Variants in WDPCP observed in about 807,000 individuals in gnomAD.
The protein encoded by WDPCP is WD repeat-containing and planar cell polarity effector protein fritz homolog.
In WDPCP, 71 loss-of-function variants were observed where a neutral mutation model predicts 93.1. The observed-to-expected ratio is 0.76, with a 90% CI of 0.63 to 0.93. The LOEUF (loss-of-function observed/expected upper bound fraction) is 0.93. Ranked by LOEUF, WDPCP falls within the 40% of genes least tolerant of loss-of-function variation. WDPCP has a pLI of 0.00. For missense variants in WDPCP, 844 were observed against 887.4 expected (o/e 0.95, Z 0.62); for synonymous variants, 315 against 315.0 (o/e 1.00, Z 0.00).
intron 12 of WDPCP, among the ~76,000 whole-genome samples, chr2:63,323,814 C>T (rs527511933): frequency 6.6e-6 from 1 of 152,244 alleles, no homozygotes; most frequent in South Asian, 2.1e-4. Context: ...CTTTCTCAGT[C>T]CCCCTTGTGG....
At chr2:63,354,821 C>A (rs1486820897) in intron 12 of WDPCP, among the ~76,000 whole-genome samples, 1 of 151,942 alleles carries the variant, frequency 6.6e-6, no homozygotes, top group African/African-American at 2.4e-5. Flanking sequence ...ATATTAACAG[C>A]AGAATAAAAC....
chr2:63,654,761 G>C (rs927886513), intron 2 of WDPCP, among the ~76,000 whole-genome samples: 1 of 152,080 alleles, frequency 6.6e-6, no homozygotes, highest in Admixed American at 6.5e-5. Flanking sequence ...CTGGATTACC[G>C]ATAATACCTA....
At chr2:63,755,981 G>A (rs1452915821) in intron 2 of WDPCP, among the ~76,000 whole-genome samples, 6 of 152,208 alleles carry the variant, frequency 3.9e-5, no homozygotes, top group African/African-American at 1.4e-4. Context: ...TAAAATCTCA[G>A]ATAGAAGATT....
chr2:63,266,771 A>G (rs977068549), intron 13 of WDPCP, among the ~76,000 whole-genome samples: 1 of 152,154 alleles, frequency 6.6e-6, no homozygotes, highest in African/African-American at 2.4e-5. Flanking sequence ...ACTCCACTGC[A>G]CTCTAGCCTG....
In WDPCP at chr2:63,320,187, A is replaced by G. The variant is rs1686977420; in HGVS notation, c.1749-6876T>C. 2.0e-5 allele frequency among the ~76,000 whole-genome samples: 3 copies of G among 152,286 alleles called. No homozygotes were observed. The South Asian group carries it at 6.2e-4, about 32-fold the overall frequency. ...GAAGGCAGTGGAATAACATGTTTGAAGTACTGGAAGGAAGAAACACACAAA... is the reference window on the plus strand; with the variant it reads ...GAAGGCAGTGGAATAACATGTTTGAGGTACTGGAAGGAAGAAACACACAAA... On this transcript the variant is annotated intron_variant, in intron 12 of 17. Coordinates refer to ENST00000272321, the MANE Select transcript of WDPCP (RefSeq NM_015910.7).
intron 12 of WDPCP, among the ~76,000 whole-genome samples, chr2:63,366,684 A>G (rs6546001): frequency 0.8 from 121,459 of 151,726 alleles, 49,481 homozygotes; most frequent in East Asian, 0.97. Context: ...TCAAACTTTC[A>G]TGTTGTTATA....
At chr2:63,220,069 T>C (rs562149808) in intron 14 of WDPCP, among the ~76,000 whole-genome samples, 80 of 152,252 alleles carry the variant, frequency 5.3e-4, no homozygotes, top group African/African-American at 1.7e-3. Flanking sequence ...TTTGGCGACA[T>C]TGACTGCACC....
chr2:63,729,105 C>T (rs1179656257), intron 2 of WDPCP, among the ~76,000 whole-genome samples: 1 of 152,060 alleles, frequency 6.6e-6, no homozygotes, highest in East Asian at 1.9e-4. Context: ...ATCACAGTGC[C>T]ATATGTCACT....
At chr2:63,665,945 G>A (rs745357532) in intron 2 of WDPCP, among the ~76,000 whole-genome samples, 4 of 152,184 alleles carry the variant, frequency 2.6e-5, no homozygotes, top group Non-Finnish European at 5.9e-5. Context: ...CACTTCCTAC[G>A]TGTGAATCCA....
intron 3 of WDPCP, among the ~76,000 whole-genome samples, chr2:63,624,960 C>T (rs183837163): frequency 2.8e-4 from 42 of 152,320 alleles, no homozygotes; most frequent in Admixed American, 2.4e-3. Flanking sequence ...TCCAGCAGCA[C>T]ATCAAAAGGC....
intron 1 of WDPCP, among the ~76,000 whole-genome samples, chr2:63,578,403 T>C (rs1247010780): frequency 6.6e-6 from 1 of 152,318 alleles, no homozygotes; most frequent in Non-Finnish European, 1.5e-5. Flanking sequence ...CAAATCCATA[T>C]TGCCAATTAT....
chr2:63,199,833 T>TA (rs916194186), intron 14 of WDPCP, among the ~76,000 whole-genome samples: 18 of 152,154 alleles, frequency 1.2e-4, no homozygotes, highest in African/African-American at 4.3e-4. Context: ...GAATGGTAGA[T>TA]ACACGAATAA....
intron 17 of WDPCP, among the ~76,000 whole-genome samples, chr2:63,149,546 G>T (rs1399768014): frequency 6.6e-6 from 1 of 152,280 alleles, no homozygotes; most frequent in Non-Finnish European, 1.5e-5. Flanking sequence ...TGCCCTGTTT[G>T]TAATAGAAAA....
chr2:63,743,744 A>T (rs879903933), intron 2 of WDPCP, among the ~76,000 whole-genome samples: 18 of 151,934 alleles, frequency 1.2e-4, no homozygotes, highest in Non-Finnish European at 1.6e-4. Flanking sequence ...AAAGCTTTTT[A>T]AAAAAAATAC....
At chr2:63,681,084 C>T (rs994213431) in intron 2 of WDPCP, among the ~76,000 whole-genome samples, 5 of 152,080 alleles carry the variant, frequency 3.3e-5, no homozygotes, top group Admixed American at 6.5e-5. Context: ...CGAGATGTAC[C>T]GGCTTCAGGT....
chr2:63,235,398 C>T (rs2104595584), intron 14 of WDPCP, among the ~76,000 whole-genome samples: 1 of 152,270 alleles, frequency 6.6e-6, no homozygotes, highest in South Asian at 2.1e-4. Flanking sequence ...GATGGATTCA[C>T]AGGTGAATTA....
chr2:63,789,804 T>C (rs1035600839), intron 2 of WDPCP, among the ~76,000 whole-genome samples: 18 of 152,214 alleles, frequency 1.2e-4, no homozygotes, highest in African/African-American at 3.9e-4. Context: ...TTGAAGAATA[T>C]GGTTACTCAC....
chr2:63,505,878 A>G (rs1202407614), intron 1 of WDPCP, among the ~76,000 whole-genome samples: 1 of 152,088 alleles, frequency 6.6e-6, no homozygotes, highest in African/African-American at 2.4e-5. Flanking sequence ...GTTCTTGAGG[A>G]TATCAAAACT....
intron 6 of WDPCP, among the ~76,000 whole-genome samples, chr2:63,473,703 A>G (rs2105838040): frequency 6.6e-6 from 1 of 152,214 alleles, no homozygotes; most frequent in African/African-American, 2.4e-5. Flanking sequence ...TGTCCTCATG[A>G]CTTTACATCT....
Sources: gnomAD v4.1 joint callset for allele counts (sites outside exome capture counted in the v4.1 genomes callset) on GRCh38, gnomAD v4.1.1 for gene constraint, MANE v1.5 for transcripts, NCBI Gene and HGNC (gene_info 2026-07-23, HGNC 2026-07-21) for gene names.